The following FGF14 variants were observed in gnomAD, a reference collection of about 807,000 sequenced individuals.
FGF14 encodes the protein fibroblast growth factor 14.
Under a neutral mutation model 25.5 loss-of-function variants are expected in FGF14, and 5 were observed. That is an observed-to-expected ratio of 0.20 (90% CI 0.10 to 0.41). FGF14 has a LOEUF of 0.41. Ranked by LOEUF, FGF14 falls within the 10% of genes least tolerant of loss-of-function variation. The pLI, the probability that FGF14 is intolerant of heterozygous loss-of-function variation, is 1.00. For missense variants in FGF14, 222 were observed against 320.1 expected, an observed-to-expected ratio of 0.69 and a Z score of 2.34; for synonymous variants, 138 against 118.3, an observed-to-expected ratio of 1.17 and a Z score of -1.08.
At chr13:102,360,259 T>C (rs1328868950) in intron 1 of FGF14, among the ~76,000 whole-genome samples, 4 of 152,184 alleles carry the variant, frequency 2.6e-5, no homozygotes, top group Non-Finnish European at 4.4e-5. Context: ...TTTAAAACTA[T>C]GGCATAGCAT....
At chr13:102,076,139 A>T (rs2043352435) in intron 1 of FGF14, among the ~76,000 whole-genome samples, 1 of 152,126 alleles carries the variant, frequency 6.6e-6, no homozygotes, top group African/African-American at 2.4e-5. Context: ...AGTGATTATG[A>T]AGTCTACAGT....
chr13:102,010,246 A>G (rs1385157902), intron 1 of FGF14, among the ~76,000 whole-genome samples: 1 of 152,202 alleles, frequency 6.6e-6, no homozygotes, highest in Non-Finnish European at 1.5e-5. Context: ...GGTTTGAAAC[A>G]GAAAATAAAG....
intron 1 of FGF14, among the ~76,000 whole-genome samples, chr13:102,273,355 C>T (rs1200090884): frequency 1.3e-5 from 2 of 152,138 alleles, no homozygotes; most frequent in Non-Finnish European, 2.9e-5. Flanking sequence ...ATGTAATTTC[C>T]TTCCTGTGCA....
intron 1 of FGF14, among the ~76,000 whole-genome samples, chr13:101,928,964 C>T (rs1566450924): frequency 6.6e-6 from 1 of 152,106 alleles, no homozygotes; most frequent in South Asian, 2.1e-4. Context: ...AAATAGGCCT[C>T]GCTTGGACAA....
chr13:102,213,120 G>A (rs2050226572), intron 1 of FGF14, among the ~76,000 whole-genome samples: 1 of 152,114 alleles, frequency 6.6e-6, no homozygotes, highest in African/African-American at 2.4e-5. Context: ...GGAGATTCAC[G>A]CCTGCAGCCA....
At chr13:102,192,904 T>C (rs1166930600) in intron 1 of FGF14, among the ~76,000 whole-genome samples, 2 of 152,312 alleles carry the variant, frequency 1.3e-5, no homozygotes, top group South Asian at 2.1e-4. Context: ...ATAATTCCCC[T>C]TAGCTATTCT....
At chr13:102,286,943 T>G (rs979252416) in intron 1 of FGF14, among the ~76,000 whole-genome samples, 3 of 151,794 alleles carry the variant, frequency 2.0e-5, no homozygotes, top group Non-Finnish European at 4.4e-5. Flanking sequence ...TGACACATAC[T>G]TGACAATGGT....
chr13:101,746,793 A>G (rs1411068688), intron 3 of FGF14, among the ~76,000 whole-genome samples: 2 of 151,976 alleles, frequency 1.3e-5, no homozygotes, highest in East Asian at 1.9e-4. Context: ...TGTCCCTTCT[A>G]TCATGTGATA....
intron 1 of FGF14, among the ~76,000 whole-genome samples, chr13:102,289,513 T>C (rs994691324): frequency 1.1e-4 from 16 of 152,204 alleles, no homozygotes; most frequent in African/African-American, 3.9e-4. Context: ...ATGGCTATGT[T>C]ATGATAAAAT....
intron 1 of FGF14, among the ~76,000 whole-genome samples, chr13:102,322,466 G>A (rs1218105185): frequency 6.6e-6 from 1 of 152,138 alleles, no homozygotes; most frequent in Non-Finnish European, 1.5e-5. Flanking sequence ...ATGGCTGGTG[G>A]TGAGTCATGG....
chr13:102,185,243 AC>A (rs1233127759), intron 1 of FGF14, among the ~76,000 whole-genome samples: 3 of 152,180 alleles, frequency 2.0e-5, no homozygotes, highest in Admixed American at 6.6e-5. Context: ...TAAGAAAAAA[AC>A]AAAAGATAAA....
At chr13:102,110,009 A>T (rs187343042) in intron 1 of FGF14, among the ~76,000 whole-genome samples, 1 of 152,346 alleles carries the variant, frequency 6.6e-6, no homozygotes, top group Admixed American at 6.5e-5. Flanking sequence ...TAGATTAAAG[A>T]TAAATCGATT....
At chr13:102,034,452 C>A (rs1444018529) in intron 1 of FGF14, among the ~76,000 whole-genome samples, 2 of 152,086 alleles carry the variant, frequency 1.3e-5, no homozygotes, top group African/African-American at 4.8e-5. Flanking sequence ...CGGTCGCTGC[C>A]ATCTAAACAT....
intron 1 of FGF14, among the ~76,000 whole-genome samples, chr13:101,979,491 A>G (rs1010711102): frequency 1.3e-5 from 2 of 152,182 alleles, no homozygotes; most frequent in Non-Finnish European, 2.9e-5. Context: ...AAAACCGAGG[A>G]ACAGAGAGTT....
At chr13:102,121,753 A>C (rs1408965353) in intron 1 of FGF14, among the ~76,000 whole-genome samples, 1 of 152,228 alleles carries the variant, frequency 6.6e-6, no homozygotes, top group Non-Finnish European at 1.5e-5. Flanking sequence ...GTCAGGGAAC[A>C]GCTTCTGCTA....
chr13:102,161,605 A>G (rs1435668953), intron 1 of FGF14, among the ~76,000 whole-genome samples: 114 of 4,636 alleles, frequency 0.025, 1 homozygote, highest in Non-Finnish European at 0.034. Flanking sequence ...GAAGAAGAAG[A>G]AGAAGAAGAA....
chr13:101,901,869 A>G (rs1391246813), intron 1 of FGF14, among the ~76,000 whole-genome samples: 2 of 152,210 alleles, frequency 1.3e-5, no homozygotes, highest in East Asian at 1.9e-4. Flanking sequence ...TTTGAAAAAT[A>G]AAGAGAATAT....
At chr13:102,041,514 T>C (rs2139998942) in intron 1 of FGF14, among the ~76,000 whole-genome samples, 1 of 132,770 alleles carries the variant, frequency 7.5e-6, no homozygotes, top group East Asian at 2.8e-4. Flanking sequence ...GATTTAATGG[T>C]AAGTGAATTC....
chr13:102,112,109 T>C (rs879332289), intron 1 of FGF14, among the ~76,000 whole-genome samples: 5 of 152,216 alleles, frequency 3.3e-5, no homozygotes, highest in Non-Finnish European at 5.9e-5. Flanking sequence ...ACCAGTATTA[T>C]TCTAGTACTT....
Sources: allele counts gnomAD v4.1 joint callset (sites outside exome capture counted in the v4.1 genomes callset), GRCh38; gene constraint gnomAD v4.1.1; transcripts MANE v1.5; gene names NCBI Gene and HGNC (gene_info 2026-07-23, HGNC 2026-07-21).